The following SYNPR variants were observed in gnomAD, a reference collection of about 807,000 sequenced individuals.
The protein encoded by SYNPR is synaptoporin.
SYNPR carries 23 observed loss-of-function variants against 32.9 expected under a neutral mutation model. The ratio of observed to expected loss-of-function variants is 0.70; its 90% CI spans 0.50 to 0.99. SYNPR has a LOEUF of 0.99. Among genes scored for constraint, SYNPR ranks in the 50% least tolerant of loss-of-function variants. The probability of loss-of-function intolerance (pLI) is 0.00; values close to 1 mark genes in which losing one functional copy is unlikely to be tolerated. For synonymous variants in SYNPR, 146 were observed against 135.9 expected (o/e 1.07, Z -0.52); for missense variants, 318 against 349.3 (o/e 0.91, Z 0.71).
At chr3:63,238,011 C>T (rs2086212445) in intron 1 of SYNPR, among the ~76,000 whole-genome samples, 1 of 152,040 alleles carries the variant, frequency 6.6e-6, no homozygotes, top group South Asian at 2.1e-4. Flanking sequence ...TGGTGGGACT[C>T]CTTCTTGGTC....
At chr3:63,447,973 G>A (rs1219743916) in intron 2 of SYNPR, among the ~76,000 whole-genome samples, 1 of 146,938 alleles carries the variant, frequency 6.8e-6, no homozygotes, top group Non-Finnish European at 1.5e-5. Flanking sequence ...ATTCCCCAGG[G>A]GACTTATTTA....
At chr3:63,421,288 T>C (rs1354850382) in intron 2 of SYNPR, among the ~76,000 whole-genome samples, 2 of 151,296 alleles carry the variant, frequency 1.3e-5, no homozygotes, top group African/African-American at 4.9e-5. Flanking sequence ...ATAAGAGAAA[T>C]AAAAACATAC....
At position 63,439,938 on chromosome 3, in the gene SYNPR, G is replaced by A. The variant is rs575020150; in HGVS notation, c.85-40894G>A. The stretch of plus-strand genomic sequence containing the variant: ...TTATTGAACACCTACTATGTGGCAG[G>A]TACTCTCTGAAACACCAAGGATATG... On this transcript the variant is annotated intron_variant, in intron 2 of 5. Transcript: ENST00000478300. Among the ~76,000 whole-genome samples the A allele has an allele frequency of 7.9e-5, 12 of 152,190 alleles. No individual in the cohort carries two copies. In the South Asian group the frequency reaches 2.5e-3, roughly 32 times the overall value.
chr3:63,601,027 C>T (rs1261711055), intron 4 of SYNPR, among the ~76,000 whole-genome samples: 1 of 152,200 alleles, frequency 6.6e-6, no homozygotes, highest in Non-Finnish European at 1.5e-5. Flanking sequence ...AATCCCAGCA[C>T]TTTGGGAGGC....
intron 2 of SYNPR, among the ~76,000 whole-genome samples, chr3:63,398,644 A>C (rs534933530): frequency 1.3e-5 from 2 of 152,102 alleles, no homozygotes; most frequent in South Asian, 4.2e-4. Context: ...GCGTGAACCT[A>C]GGAGGCGGAG....
chr3:63,531,130 G>A (rs146393474), intron 3 of SYNPR, among the ~76,000 whole-genome samples: 2 of 152,240 alleles, frequency 1.3e-5, no homozygotes, highest in East Asian at 1.9e-4. Context: ...ATAGTGGACC[G>A]CGATGCTGGA....
intron 2 of SYNPR, among the ~76,000 whole-genome samples, chr3:63,321,930 G>A (rs188449642): frequency 3.9e-5 from 6 of 152,198 alleles, no homozygotes; most frequent in Non-Finnish European, 8.8e-5. Flanking sequence ...TTGCTGGCAG[G>A]AAATTAGCAG....
intron 2 of SYNPR, among the ~76,000 whole-genome samples, chr3:63,421,119 G>A (rs1699789923): frequency 6.6e-6 from 1 of 152,166 alleles, no homozygotes. Context: ...CTGGGCTCAA[G>A]TGATTCCCCG....
chr3:63,534,149 C>T (rs142097481), intron 3 of SYNPR, among the ~76,000 whole-genome samples: 3 of 152,040 alleles, frequency 2.0e-5, no homozygotes, highest in African/African-American at 7.2e-5. Context: ...TATGTCAGGG[C>T]TTTATTACCT....
At chr3:63,501,058 A>T (rs1701467051) in intron 3 of SYNPR, among the ~76,000 whole-genome samples, 1 of 148,842 alleles carries the variant, frequency 6.7e-6, no homozygotes, top group Admixed American at 6.7e-5. Flanking sequence ...GCCCATGGCA[A>T]ATTGTAAAAA....
At chr3:63,375,565 C>T (rs2087878515) in intron 2 of SYNPR, among the ~76,000 whole-genome samples, 1 of 152,020 alleles carries the variant, frequency 6.6e-6, no homozygotes, top group Non-Finnish European at 1.5e-5. Context: ...ACACTGGGGC[C>T]TGTCATAGAG....
Position 63,460,723 on chromosome 3 carries a change from G to A in SYNPR, c.85-20109G>A, listed in dbSNP as rs148256425. 3.3e-3 allele frequency among the ~76,000 whole-genome samples: 495 copies of A among 152,198 alleles called. 1 individual carries two copies. The highest frequency in any genetic ancestry group is 0.012 in the African/African-American group (488 of 41,542). On this transcript the variant is annotated intron_variant, in intron 2 of 5. Transcript: ENST00000478300. Reference sequence around the variant, plus strand: ...CTTGAATGCCATGCTAAGGAACTTAGAATCTATCTGGCAGGCAATGGAGGA... The same window carrying A: ...CTTGAATGCCATGCTAAGGAACTTAAAATCTATCTGGCAGGCAATGGAGGA...
intron 2 of SYNPR, among the ~76,000 whole-genome samples, chr3:63,456,548 G>A (rs573843217): frequency 5.3e-5 from 8 of 152,168 alleles, no homozygotes; most frequent in Non-Finnish European, 1.2e-4. Flanking sequence ...CAACAGCCCC[G>A]TGAGACAGGG....
chr3:63,408,304 G>GA (rs2088408802), intron 2 of SYNPR, among the ~76,000 whole-genome samples: 2 of 95,390 alleles, frequency 2.1e-5, no homozygotes, highest in Admixed American at 1.0e-4. Context: ...AGGAAGGAAG[G>GA]AAGGAAGGAA....
At chr3:63,515,921 C>T (rs563413404) in intron 3 of SYNPR, among the ~76,000 whole-genome samples, 44 of 151,970 alleles carry the variant, frequency 2.9e-4, no homozygotes, top group Non-Finnish European at 5.7e-4. Flanking sequence ...ATCCCTCCTA[C>T]ACATATAGAG....
At chr3:63,529,517 C>T (rs1295200072) in intron 3 of SYNPR, among the ~76,000 whole-genome samples, 1 of 152,044 alleles carries the variant, frequency 6.6e-6, no homozygotes, top group African/African-American at 2.4e-5. Flanking sequence ...GTGGCTTCCC[C>T]GTGCTCCATA....
intron 2 of SYNPR, among the ~76,000 whole-genome samples, chr3:63,317,648 C>G (rs1309147245): frequency 6.6e-6 from 1 of 151,968 alleles, no homozygotes; most frequent in Non-Finnish European, 1.5e-5. Flanking sequence ...CTCCTGGAGG[C>G]AGCAGATAGT....
chr3:63,294,829 C>T (rs936800555), intron 2 of SYNPR, among the ~76,000 whole-genome samples: 2 of 151,894 alleles, frequency 1.3e-5, no homozygotes, highest in Admixed American at 1.3e-4. Flanking sequence ...AAATAATACT[C>T]GTAAATGTTA....
At chr3:63,350,535 C>T (rs1002331208) in intron 2 of SYNPR, among the ~76,000 whole-genome samples, 3 of 152,208 alleles carry the variant, frequency 2.0e-5, no homozygotes, top group South Asian at 2.1e-4. Flanking sequence ...TGTGTGTGTG[C>T]GTGCATATGC....
Sources: gnomAD v4.1 joint callset for allele counts (sites outside exome capture counted in the v4.1 genomes callset) on GRCh38, gnomAD v4.1.1 for gene constraint, MANE v1.5 for transcripts, NCBI Gene and HGNC (gene_info 2026-07-23, HGNC 2026-07-21) for gene names.